The following SNTG1 variants were observed in gnomAD, a reference collection of about 807,000 sequenced individuals.
The protein encoded by SNTG1 is syntrophin gamma 1, also known as gamma-1-syntrophin.
In SNTG1, 39 loss-of-function variants were observed where a neutral mutation model predicts 74.7. The observed-to-expected ratio is 0.52, with a 90% CI of 0.40 to 0.68. The LOEUF is 0.68. Ranked by LOEUF, SNTG1 falls within the 30% of genes least tolerant of loss-of-function variation. The pLI is 0.00. For missense variants in SNTG1, 685 were observed against 609.5 expected (o/e 1.12, Z -1.30); for synonymous variants, 254 against 217.1 (o/e 1.17, Z -1.49).
intron 2 of SNTG1, among the ~76,000 whole-genome samples, chr8:50,337,288 T>C (rs993213050): frequency 5.3e-5 from 8 of 152,196 alleles, no homozygotes; most frequent in Admixed American, 1.3e-4. Context: ...GAAACCATCA[T>C]TGGTGCCAAT....
chr8:50,645,730 G>A (rs1444669313), intron 13 of SNTG1, among the ~76,000 whole-genome samples: 1 of 152,094 alleles, frequency 6.6e-6, no homozygotes, highest in African/African-American at 2.4e-5. Flanking sequence ...CCTTTATGAG[G>A]TGTTGGTTAT....
At chr8:50,504,067 C>G (rs1398385867) in intron 9 of SNTG1, among the ~76,000 whole-genome samples, 1 of 152,176 alleles carries the variant, frequency 6.6e-6, no homozygotes, top group African/African-American at 2.4e-5. Context: ...AAATAGCTCT[C>G]ACTTGTAAGT....
chr8:50,432,851 G>T lies in SNTG1; in HGVS notation c.163-5692G>T, dbSNP rs183770952. Among the ~76,000 whole-genome samples the T allele has an allele frequency of 2.8e-3, 431 of 151,592 alleles. 6 individuals are homozygous for T. Among genetic ancestry groups the T allele is most frequent in the Non-Finnish European group, 3.2e-3 (216 of 67,910 alleles). On this transcript the variant is annotated intron_variant, in intron 4 of 18. Coordinates refer to ENST00000642720, the MANE Select transcript of SNTG1 (RefSeq NM_018967.5). Reference sequence around the variant, plus strand: ...CTATTGCCCAGGCTGGAGTGCAGTGGCACAGTCTCGGCTACTGCAACCTCC... The same window carrying T: ...CTATTGCCCAGGCTGGAGTGCAGTGTCACAGTCTCGGCTACTGCAACCTCC...
intron 13 of SNTG1, among the ~76,000 whole-genome samples, chr8:50,641,779 G>T (rs1312812106): frequency 6.6e-6 from 1 of 151,978 alleles, no homozygotes; most frequent in African/African-American, 2.4e-5. Flanking sequence ...CGTAAAAATT[G>T]CTTGAGTTTT....
chr8:50,402,153 A>G, intron 3 of SNTG1, 57 bp from the exon 4 acceptor site: 14 of 1,542,074 alleles, frequency 9.1e-6, no homozygotes, highest in Non-Finnish European at 1.2e-5. Flanking sequence ...CCACAAAATT[A>G]CAACCTATAA....
At chr8:50,072,029 A>C (rs1341254331) in intron 1 of SNTG1, among the ~76,000 whole-genome samples, 3 of 152,188 alleles carry the variant, frequency 2.0e-5, no homozygotes, top group African/African-American at 7.2e-5. Context: ...TGAACCCCCC[A>C]GTGTGATTGG....
chr8:50,772,244 C>T lies in SNTG1; in HGVS notation c.1395+20133C>T, dbSNP rs139711581. Among the ~76,000 whole-genome samples the T allele has an allele frequency of 4.9e-3, 740 of 152,200 alleles. 7 individuals are homozygous for T. The highest frequency in any genetic ancestry group is 0.014 in the African/African-American group (577 of 41,544). ...ACATGTGTGACACTCAACAAAGCCA[C>T]GGGAGTTGAACTGCCCAAGACCTTA... is the stretch of plus-strand genomic sequence containing the variant. On this transcript the variant is annotated intron_variant, in intron 18 of 18. Transcript: ENST00000642720.
chr8:50,464,036 A>G (rs894721893), intron 8 of SNTG1, among the ~76,000 whole-genome samples: 1 of 152,212 alleles, frequency 6.6e-6, no homozygotes, highest in Non-Finnish European at 1.5e-5. Flanking sequence ...AACTTCTGCT[A>G]GCTTCCAACT....
chr8:50,543,035 TTGTC>T (rs1191066066), intron 11 of SNTG1, among the ~76,000 whole-genome samples: 2 of 152,302 alleles, frequency 1.3e-5, no homozygotes, highest in East Asian at 3.9e-4. Flanking sequence ...ATTCTGTAGA[TTGTC>T]TCTCACTTTA....
At chr8:50,147,138 T>G (rs779611581) in intron 1 of SNTG1, among the ~76,000 whole-genome samples, 9 of 152,222 alleles carry the variant, frequency 5.9e-5, no homozygotes, top group Non-Finnish European at 8.8e-5. Flanking sequence ...ATAAAATTCT[T>G]CTGCATGATA....
At chr8:50,604,070 C>T (rs570163851) in intron 13 of SNTG1, among the ~76,000 whole-genome samples, 64 of 152,254 alleles carry the variant, frequency 4.2e-4, no homozygotes, top group African/African-American at 1.5e-3. Context: ...TGAGTACCTC[C>T]ATGACCCAGA....
chr8:50,354,694 G>A (rs1225146994), intron 2 of SNTG1, among the ~76,000 whole-genome samples: 2 of 152,112 alleles, frequency 1.3e-5, no homozygotes, highest in African/African-American at 2.4e-5. Flanking sequence ...TCCAAGCACA[G>A]CTCAGGTGGG....
chr8:49,957,374 A>G (rs1050063249), intron 1 of SNTG1, among the ~76,000 whole-genome samples: 1 of 152,250 alleles, frequency 6.6e-6, no homozygotes, highest in Non-Finnish European at 1.5e-5. Flanking sequence ...TTCATTTTCT[A>G]AATGTATTAT....
At chr8:50,572,258 T>TTATTTATATATA (rs1554577782) in intron 12 of SNTG1, among the ~76,000 whole-genome samples, 4 of 93,098 alleles carry the variant, frequency 4.3e-5, no homozygotes, top group African/African-American at 1.9e-4. Context: ...ATCACCTATT[T>TTATTTATATATA]TATATATATA....
intron 12 of SNTG1, among the ~76,000 whole-genome samples, chr8:50,584,837 G>A (rs2094636825): frequency 6.6e-6 from 1 of 152,100 alleles, no homozygotes; most frequent in Admixed American, 6.6e-5. Flanking sequence ...ACATGATGAA[G>A]TCCCCGCAGA....
intron 8 of SNTG1, among the ~76,000 whole-genome samples, chr8:50,454,795 T>A (rs923940427): frequency 7.4e-6 from 1 of 135,352 alleles, no homozygotes; most frequent in South Asian, 2.2e-4. Context: ...TGAACTGAGA[T>A]CGTGCCACTG....
chr8:49,981,569 G>A (rs1269428901), intron 1 of SNTG1, among the ~76,000 whole-genome samples: 1 of 152,170 alleles, frequency 6.6e-6, no homozygotes, highest in Non-Finnish European at 1.5e-5. Context: ...CTGTATTATG[G>A]TTACTTGTTT....
chr8:50,660,426 G>GAAAGAAAGAAAGAAAGA lies in SNTG1; in HGVS notation c.1038+1765_1038+1766insAGAAAGAAAGAAAGAAA, dbSNP rs373288755. Among the ~76,000 whole-genome samples, 29 of 72,846 alleles carry GAAAGAAAGAAAGAAAGA rather than the reference G, an allele frequency of 4.0e-4. 1 individual carries two copies. The highest frequency in any genetic ancestry group is 8.6e-4 in the African/African-American group (25 of 29,104). The allele number at this position is 72,846 out of a possible 152,430, so 47.8% of individuals were successfully genotyped here. ...GAAAGAAAGAAAAGAAAGAAAGAAAGAAGAAAGAAAGAAAGAGAAAAAAGA... is the reference window on the plus strand; with the variant it reads ...GAAAGAAAGAAAAGAAAGAAAGAAAGAAAGAAAGAAAGAAAGAAAGAAAGAAAGAAAGAGAAAAAAGA... On this transcript the variant is annotated intron_variant, in intron 15 of 18. Transcript: ENST00000642720.
intron 2 of SNTG1, among the ~76,000 whole-genome samples, chr8:50,388,968 G>T (rs1364583211): frequency 6.6e-6 from 1 of 152,144 alleles, no homozygotes. Context: ...TGTAAGGGTG[G>T]TTGGGATGAA....
Sources: allele counts gnomAD v4.1 joint callset (sites outside exome capture counted in the v4.1 genomes callset), GRCh38; gene constraint gnomAD v4.1.1; transcripts MANE v1.5; gene names NCBI Gene and HGNC (gene_info 2026-07-23, HGNC 2026-07-21).